MAP4K5: variants seen among roughly 807,000 people sequenced by gnomAD.
MAP4K5 encodes the protein mitogen-activated protein kinase kinase kinase kinase 5.
In MAP4K5, 82 loss-of-function variants were observed where a neutral mutation model predicts 135.6. The ratio of observed to expected loss-of-function variants is 0.60; its 90% confidence interval spans 0.51 to 0.73. MAP4K5 has a LOEUF of 0.73. MAP4K5 is among the 30% of genes least tolerant of loss of function. The probability of loss-of-function intolerance (pLI) is 0.00; values close to 1 mark genes in which losing one functional copy is unlikely to be tolerated. For missense variants in MAP4K5, 907 were observed against 1,010.9 expected (o/e 0.90, Z 1.39); for synonymous variants, 347 against 335.0 (o/e 1.04, Z -0.39).
At chr14:50,552,563 A>G (rs1172687295) in intron 1 of MAP4K5, among the ~76,000 whole-genome samples, 1 of 152,188 alleles carries the variant, frequency 6.6e-6, no homozygotes, top group East Asian at 1.9e-4. Context: ...CCAAAGCAGT[A>G]ATAAGAAAAA....
chr14:50,474,969 G>T, intron 9 of MAP4K5, 108 bp downstream of exon 9: 1 of 943,570 alleles, frequency 1.1e-6, no homozygotes, highest in Non-Finnish European at 1.7e-6. Context: ...CAAAGAGCAC[G>T]CAAATCTCCC....
intron 8 of MAP4K5, 134 bp from the exon 9 acceptor site, chr14:50,475,283 A>C (rs1264393707): frequency 1.5e-6 from 1 of 660,948 alleles, no homozygotes. Flanking sequence ...TTGAATACCT[A>C]AATCTCTTCT....
At chr14:50,552,845 T>G (rs2038719732) in intron 1 of MAP4K5, among the ~76,000 whole-genome samples, 1 of 152,134 alleles carries the variant, frequency 6.6e-6, no homozygotes, top group Non-Finnish European at 1.5e-5. Flanking sequence ...TCTCTCACCT[T>G]ATAGAAAAAT....
At chr14:50,434,678 G>C (rs564988737) in intron 27 of MAP4K5, 107 bp from the exon 28 acceptor site, 2 of 999,128 alleles carry the variant, frequency 2.0e-6, no homozygotes, top group East Asian at 5.2e-5. Context: ...CATTTATCTA[G>C]TTCTAAAAAG....
intron 13 of MAP4K5, among the ~76,000 whole-genome samples, chr14:50,457,294 C>T (rs1293266831): frequency 6.6e-6 from 1 of 152,044 alleles, no homozygotes. Flanking sequence ...AGTGGCATTG[C>T]CAATGTCAGC....
At chr14:50,513,739 T>G (rs1025542259) in intron 2 of MAP4K5, among the ~76,000 whole-genome samples, 13 of 152,324 alleles carry the variant, frequency 8.5e-5, no homozygotes, top group Middle Eastern at 6.8e-3. Context: ...CCCAGCACAT[T>G]CTTAGGGTCA....
At position 50,476,119 on chromosome 14, in the gene MAP4K5, A is replaced by G. The variant is rs1331026740; in HGVS notation, c.469+9T>C. On this transcript the variant is annotated intron_variant, in intron 8 of 32. Transcript: ENST00000682126. ...TTGGAAAAAATTTTAGGAATTTGAA[A>G]TAACATACCTAATTTTACATCGCCA... The G allele has an allele frequency of 6.9e-7, 1 of 1,440,462 alleles. No individual in the cohort carries two copies. Among genetic ancestry groups the G allele is most frequent in the Admixed American group, 2.7e-5 (1 of 36,884 alleles). The allele number at this position is 1,440,462 out of a possible 1,614,324, so 89.2% of individuals were successfully genotyped here. A position where few individuals can be genotyped will look rare whatever the true frequency, so the allele number is the denominator to read the frequency against.
intron 3 of MAP4K5, among the ~76,000 whole-genome samples, chr14:50,490,162 A>G: frequency 1.0e-5 from 1 of 95,934 alleles, no homozygotes; most frequent in Admixed American, 1.1e-4. Context: ...TGTGTGTGTA[A>G]GGGAACTCAG....
At position 50,462,792 on chromosome 14, in the gene MAP4K5, A is replaced by G. The variant is rs184108280; in HGVS notation, c.820-11T>C. ...TGCAACAAAAGTGTGCTAAAAGACA[A>G]CAAAATGAAATTTCATGAGTATGCC... is the stretch of plus-strand genomic sequence containing the variant. On this transcript the variant is annotated splice_polypyrimidine_tract_variant and intron_variant, in intron 12 of 32. Coordinates refer to ENST00000682126, the MANE Select transcript of MAP4K5 (RefSeq NM_006575.6). 9.6e-4 allele frequency: 1,450 copies of G among 1,503,700 alleles called. 11 individuals carry two copies. The African/African-American group carries it at 0.018, about 18-fold the overall frequency. The allele number at this position is 1,503,700 out of a possible 1,614,324, so 93.1% of individuals were successfully genotyped here.
chr14:50,450,213 C>G (rs1018312798), intron 14 of MAP4K5: 3 of 152,150 alleles, frequency 2.0e-5, no homozygotes, highest in African/African-American at 7.2e-5. Context: ...TCCCAAGGTG[C>G]TGGGATTACA....
intron 18 of MAP4K5, among the ~76,000 whole-genome samples, chr14:50,444,541 G>C (rs2139718180): frequency 6.6e-6 from 1 of 152,038 alleles, no homozygotes; most frequent in Non-Finnish European, 1.5e-5. Flanking sequence ...TTGAGCCCAG[G>C]GGTCTGAGAT....
At chr14:50,544,259 GC>G (rs1247089462) in intron 1 of MAP4K5, among the ~76,000 whole-genome samples, 6 of 152,198 alleles carry the variant, frequency 3.9e-5, no homozygotes, top group Admixed American at 3.3e-4. Flanking sequence ...GAAAGTGGAA[GC>G]CATGATGATC....
At chr14:50,446,658 T>C (rs2036359696) in intron 16 of MAP4K5, among the ~76,000 whole-genome samples, 1 of 152,184 alleles carries the variant, frequency 6.6e-6, no homozygotes. Context: ...TCAGGATTCT[T>C]AGATCCAGTC....
chr14:50,542,944 A>G (rs980489957), intron 1 of MAP4K5, among the ~76,000 whole-genome samples: 7 of 152,250 alleles, frequency 4.6e-5, no homozygotes, highest in Admixed American at 6.5e-5. Flanking sequence ...AGGTTGGTCA[A>G]TTACTTGGAA....
chr14:50,433,471 G>A (rs1383282334), intron 28 of MAP4K5, among the ~76,000 whole-genome samples: 1 of 152,168 alleles, frequency 6.6e-6, no homozygotes, highest in Non-Finnish European at 1.5e-5. Context: ...CTAACAAATG[G>A]TTGCACCTCA....
intron 32 of MAP4K5, among the ~76,000 whole-genome samples, chr14:50,421,319 C>G (rs774873862): frequency 6.6e-6 from 1 of 151,594 alleles, no homozygotes; most frequent in Non-Finnish European, 1.5e-5. Context: ...AGTGCAATGG[C>G]GTGATCTCGG....
At chr14:50,542,978 G>A (rs991355383) in intron 1 of MAP4K5, among the ~76,000 whole-genome samples, 1 of 152,220 alleles carries the variant, frequency 6.6e-6, no homozygotes, top group African/African-American at 2.4e-5. Context: ...AGATAAGGAA[G>A]TCAGTGGGAG....
chr14:50,426,993 T>G (rs1291992537), intron 30 of MAP4K5, among the ~76,000 whole-genome samples: 1 of 152,156 alleles, frequency 6.6e-6, no homozygotes, highest in Non-Finnish European at 1.5e-5. Flanking sequence ...TCAATAAAAA[T>G]AAAAGTATTT....
In MAP4K5 at chr14:50,447,607, C is replaced by T. The variant is rs2036385110; in HGVS notation, c.1075-126G>A. On this transcript the variant is annotated intron_variant, in intron 15 of 32. Transcript: ENST00000682126. ...CTTGGCATTCAATCAATTTTTTAATCTCTAGCTAGATTTGCTTTGTCATTT... is the reference window on the plus strand; with the variant it reads ...CTTGGCATTCAATCAATTTTTTAATTTCTAGCTAGATTTGCTTTGTCATTT... 8 of 613,252 alleles carry T rather than the reference C, an allele frequency of 1.3e-5. No homozygotes were observed. In the South Asian group the frequency reaches 1.8e-4, roughly 14 times the overall value. 38.0% of individuals were successfully genotyped at this position (613,252 alleles called of 1,614,324 possible).
Sources: gnomAD v4.1 joint callset for allele counts (sites outside exome capture counted in the v4.1 genomes callset) on GRCh38, gnomAD v4.1.1 for gene constraint, MANE v1.5 for transcripts, NCBI Gene and HGNC (gene_info 2026-07-23, HGNC 2026-07-21) for gene names.